The following HDAC5 variants were observed in gnomAD, a reference collection of about 807,000 sequenced individuals.
HDAC5 encodes histone deacetylase 5.
Under a neutral mutation model 133.3 loss-of-function variants are expected in HDAC5, and 25 were observed. That is an observed-to-expected ratio of 0.19 (90% CI 0.14 to 0.26). The LOEUF (loss-of-function observed/expected upper bound fraction) is 0.26. Ranked by LOEUF, HDAC5 falls within the 10% of genes least tolerant of loss-of-function variation. HDAC5 has a pLI of 1.00. For missense variants in HDAC5, 1,041 were observed against 1,460.5 expected, an observed-to-expected ratio of 0.71 and a Z score of 4.68; for synonymous variants, 589 against 610.8, an observed-to-expected ratio of 0.96 and a Z score of 0.53.
intron 3 of HDAC5, among the ~76,000 whole-genome samples, chr17:44,095,956 G>A (rs546041669): frequency 2.6e-5 from 4 of 152,236 alleles, no homozygotes; most frequent in African/African-American, 7.2e-5. Flanking sequence ...ACAATGGGCC[G>A]AGTGGCTCAG....
At chr17:44,087,330 G>A (rs1170231847) in intron 13 of HDAC5, 82 bp downstream of exon 13, 1 of 689,640 alleles carries the variant, frequency 1.5e-6, no homozygotes, top group Non-Finnish European at 2.7e-6. Flanking sequence ...AGATGGGGGA[G>A]AGGGAAAGAC....
chr17:44,078,065 T>C lies in HDAC5; in HGVS notation c.*311A>G. On this transcript the variant is annotated 3_prime_UTR_variant, in exon 27 of 27. Transcript: ENST00000682912. ...GGCCCCAGAACTGGAGAGTACTGTC[T>C]GGGCCCCCGTGCCCACCTTGAGCTG... 1 of 298,388 alleles carries C rather than the reference T, an allele frequency of 3.4e-6. No homozygotes were observed. The highest frequency in any genetic ancestry group is 6.2e-6 in the Non-Finnish European group (1 of 160,970). 18.5% of individuals were successfully genotyped at this position (298,388 alleles called of 1,614,324 possible). A position where few individuals can be genotyped will look rare whatever the true frequency, so the allele number is the denominator to read the frequency against.
Position 44,087,632 on chromosome 17 carries a change from T to A in HDAC5, c.1664A>T (p.Glu555Val), listed in dbSNP as rs563178243. ...CAAGACCTCCTGCTGCTCCGTCAGC[T>A]CCTCCTCTGTCTCCTCAGGGTGGGT... ...PTTHPEETEE[E>V]LTEQQEVLLG... Residue 555 changes from glutamate (E) to valine (V), a missense_variant, in exon 13 of 27, where the codon GAG becomes GTG. Physicochemically the swap from Glu to Val is moderately radical, Grantham distance 121 (BLOSUM62 -2). This residue lies in a region of HDAC5 where 433 missense variants were observed against 531.6 expected (regional missense o/e 0.81). Transcript: ENST00000682912. The A allele has an allele frequency of 1.2e-6, 2 of 1,613,450 alleles. No individual in the cohort carries two copies. Among genetic ancestry groups the A allele is most frequent in the African/African-American group, 1.3e-5 (1 of 75,032 alleles).
Position 44,117,241 on chromosome 17 carries a change from C to T in HDAC5, c.22+253G>A, listed in dbSNP as rs985156597. 6.6e-6 allele frequency among the ~76,000 whole-genome samples: 1 copy of T among 152,226 alleles called. No homozygotes were observed. Among genetic ancestry groups the T allele is most frequent in the Non-Finnish European group, 1.5e-5 (1 of 68,042 alleles). ...GGGAAGGCGAAGCTGGAGCTGAACACCCCTAAGTTGAGAGGGCAAGCATGG... is the reference window on the plus strand; with the variant it reads ...GGGAAGGCGAAGCTGGAGCTGAACATCCCTAAGTTGAGAGGGCAAGCATGG... On this transcript the variant is annotated intron_variant, in intron 2 of 26. Transcript: ENST00000682912. This position sits in a 1 kb window ranked among gnomAD's most constrained non-coding sequence, Gnocchi z 4.2.
chr17:44,111,321 G>C (rs947924759), intron 2 of HDAC5: 1 of 329,206 alleles, frequency 3.0e-6, no homozygotes, highest in African/African-American at 2.2e-5. Context: ...AGGGAGCTGC[G>C]GGCGGGCTGC....
At position 44,078,850 on chromosome 17, in the gene HDAC5, C is replaced by T; in HGVS notation, c.3108G>A (p.Gln1036=). The change falls in exon 25 of 27, where the codon CAG becomes CAA. Residue 1036 remains glutamine (Q), a synonymous_variant. Coordinates refer to ENST00000682912, the MANE Select transcript of HDAC5 (RefSeq NM_005474.5). ...CCACTGCGTTGATGTTGGGCTTTTGCTGCAAGACTGCCTCATCCAAGGGCT... is the reference window on the plus strand; with the variant it reads ...CCACTGCGTTGATGTTGGGCTTTTGTTGCAAGACTGCCTCATCCAAGGGCT... ...ELQPLDEAVL[Q]QKPNINAVAT... is the part of the protein sequence containing the mutation. 3 of 1,614,166 alleles carry T rather than the reference C, an allele frequency of 1.9e-6. No homozygotes were observed. Among genetic ancestry groups the T allele is most frequent in the Non-Finnish European group, 2.5e-6 (3 of 1,180,014 alleles).
intron 3 of HDAC5, among the ~76,000 whole-genome samples, chr17:44,103,398 G>A (rs557868684): frequency 2.0e-5 from 3 of 152,278 alleles, no homozygotes; most frequent in East Asian, 1.9e-4. Flanking sequence ...CACACATCAC[G>A]TAGTGGTTGA....
chr17:44,101,320 AGAATGGCATGAACCCGG>A (rs2051592083), intron 3 of HDAC5, among the ~76,000 whole-genome samples: 1 of 149,548 alleles, frequency 6.7e-6, no homozygotes, highest in Non-Finnish European at 1.5e-5. Flanking sequence ...CTGAGGCAGG[AGAATGGCATGAACCCGG>A]GAGGTGGAGC....
chr17:44,096,704 G>A (rs1429583939), intron 3 of HDAC5, among the ~76,000 whole-genome samples: 1 of 151,970 alleles, frequency 6.6e-6, no homozygotes, highest in Non-Finnish European at 1.5e-5. Context: ...TCAAACTCTT[G>A]ACCTCAGGTG....
At position 44,116,713 on chromosome 17, in the gene HDAC5, G is replaced by A. The variant is rs577124390; in HGVS notation, c.22+781C>T. Reference sequence around the variant, plus strand: ...ACCACACTGCCCCAGGACCCTCCTGGGAAACTGCTGAGGGTCCAGCTCAGG... The same window carrying A: ...ACCACACTGCCCCAGGACCCTCCTGAGAAACTGCTGAGGGTCCAGCTCAGG... On this transcript the variant is annotated intron_variant, in intron 2 of 26. Transcript: ENST00000682912. Among the ~76,000 whole-genome samples the A allele has an allele frequency of 3.9e-5, 6 of 152,158 alleles. No homozygotes were observed. In the South Asian group the frequency reaches 1.2e-3, roughly 32 times the overall value.
Position 44,082,852 on chromosome 17 carries a change from G to C in HDAC5, c.2464-32C>G, listed in dbSNP as rs1027299624. 5 of 1,549,262 alleles carry C rather than the reference G, an allele frequency of 3.2e-6. No individual in the cohort carries two copies. In the African/African-American group the frequency reaches 5.5e-5, roughly 17 times the overall value. On this transcript the variant is annotated intron_variant, in intron 18 of 26. Transcript: ENST00000682912. ...AGGTGCAGGCAGAGGTGAGGGGCAA[G>C]ATCCAGGCAGGAAGGCCGTGGAGGG...
chr17:44,097,225 G>A (rs574135827), intron 3 of HDAC5, among the ~76,000 whole-genome samples: 21 of 152,392 alleles, frequency 1.4e-4, no homozygotes, highest in African/African-American at 4.6e-4. Context: ...ATGGCCTCTG[G>A]AACCCCCTGC....
At chr17:44,115,907 T>C (rs1281041807) in intron 2 of HDAC5, 1 of 152,180 alleles carries the variant, frequency 6.6e-6, no homozygotes, top group East Asian at 1.9e-4. Flanking sequence ...GCCTCCTGCG[T>C]TGGTGGACAC....
intron 23 of HDAC5, 54 bp from the exon 24 acceptor site, chr17:44,079,331 T>C: frequency 1.9e-6 from 3 of 1,574,286 alleles, no homozygotes; most frequent in South Asian, 2.3e-5. Flanking sequence ...AATCAATCAA[T>C]TCAAGAGCCA....
At chr17:44,118,989 C>G (rs1376861971) in intron 1 of HDAC5, among the ~76,000 whole-genome samples, 2 of 152,226 alleles carry the variant, frequency 1.3e-5, no homozygotes, top group East Asian at 3.8e-4. Flanking sequence ...CATGCGCATG[C>G]ACGCACACAT....
rs2050666424 is a variant in HDAC5, at chr17:44,086,708, AGGCTGCAGC to A, written c.1905_1913del (p.Pro638_Gln640del). 1 of 1,299,626 alleles carries A rather than the reference AGGCTGCAGC, an allele frequency of 7.7e-7. No individual in the cohort carries two copies. The highest frequency in any genetic ancestry group is 1.5e-5 in the African/African-American group (1 of 66,266). The allele number at this position is 1,299,626 out of a possible 1,614,324, so 80.5% of individuals were successfully genotyped here. The stretch of plus-strand genomic sequence containing the variant: ...TGAGGGGCGCCTGGTACACCTGCAA[AGGCTGCAGC>A]GGCTGGGCATCTGAGAACAGCTGGA... On this transcript the variant is annotated inframe_deletion, in exon 14 of 27. Coordinates refer to ENST00000682912, the MANE Select transcript of HDAC5 (RefSeq NM_005474.5).
Position 44,093,456 on chromosome 17 carries a change from C to T in HDAC5, c.384G>A (p.Gln128=). The T allele has an allele frequency of 6.2e-7, 1 of 1,605,734 alleles. No individual in the cohort carries two copies. ...KQQQEMLAAK[Q]QQEMLAAKRQ... ...GCTTGGCTGCCAGCATCTCCTGCTG[C>T]TGCTTGGCTGCCAGCATCTCCTGCT... The change falls in exon 5 of 27, where the codon CAG becomes CAA. Residue 128 remains glutamine (Q), a synonymous_variant. Coordinates refer to ENST00000682912, the MANE Select transcript of HDAC5 (RefSeq NM_005474.5).
rs370405048 is a variant in HDAC5, at chr17:44,084,556, G to A, written c.2304C>T (p.Leu768=). 1.7e-5 allele frequency: 27 copies of A among 1,613,154 alleles called. 1 individual carries two copies. In the Middle Eastern group the frequency reaches 6.6e-4, roughly 39 times the overall value. ...CCGCCCACCCATGTGCCAGCTCACC[G>A]AGCAACTTCTTGCTGTCTAGCTTCT... The part of the protein sequence containing the change: ...NRQKLDSKKL[L]GPISQKMYAV... Residue 768 remains leucine (L), a splice_region_variant and synonymous_variant, in exon 16 of 27, where the codon CTC becomes CTT. Coordinates refer to ENST00000682912, the MANE Select transcript of HDAC5 (RefSeq NM_005474.5).
chr17:44,110,924 G>T, intron 2 of HDAC5, 124 bp from the exon 3 acceptor site: 1 of 791,296 alleles, frequency 1.3e-6, no homozygotes, highest in Non-Finnish European at 2.1e-6. Context: ...CCGAAGGGAA[G>T]GTGGTCGGGC....
Sources: allele counts gnomAD v4.1 joint callset (sites outside exome capture counted in the v4.1 genomes callset), GRCh38; gene constraint gnomAD v4.1.1; regional missense constraint gnomAD v4.1.1; non-coding constraint Gnocchi (gnomAD v3.1); transcripts MANE v1.5; gene names NCBI Gene and HGNC (gene_info 2026-07-23, HGNC 2026-07-21).